SEL1L3: variants seen among roughly 807,000 people sequenced by gnomAD.
SEL1L3 encodes protein sel-1 homolog 3.
SEL1L3 carries 76 observed loss-of-function variants against 142.8 expected under a neutral mutation model. The observed-to-expected ratio is 0.53, with a 90% confidence interval of 0.44 to 0.64. The LOEUF is 0.64. SEL1L3 is among the 30% of genes least tolerant of loss of function. The probability of loss-of-function intolerance (pLI) is 0.00; values close to 1 mark genes in which losing one functional copy is unlikely to be tolerated. For synonymous variants in SEL1L3, 504 were observed against 519.6 expected (o/e 0.97, Z 0.41); for missense variants, 1,262 against 1,381.7 (o/e 0.91, Z 1.37).
chr4:25,833,588 A>G lies in SEL1L3; in HGVS notation c.861-19T>C. The G allele has an allele frequency of 6.3e-7, 1 of 1,590,432 alleles. No individual in the cohort carries two copies. On this transcript the variant is annotated intron_variant, in intron 3 of 23. Transcript: ENST00000399878. ...AGTAAACCTATAAGAGTGAGGGGGAAAAAAATTCTGCAGATTGATATCATC... is the reference window on the plus strand; with the variant it reads ...AGTAAACCTATAAGAGTGAGGGGGAGAAAAATTCTGCAGATTGATATCATC...
Position 25,809,074 on chromosome 4 carries a change from A to G in SEL1L3, c.1565-4322T>C, listed in dbSNP as rs1158459582. On this transcript the variant is annotated intron_variant, in intron 9 of 23. Coordinates refer to ENST00000399878, the MANE Select transcript of SEL1L3 (RefSeq NM_015187.5). ...GGCGACAGAGTGAGACTCTGTCTCA[A>G]AAAAAAAAAAAAAAGCCTATTTGTA... Among the ~76,000 whole-genome samples, 2 of 145,292 alleles carry G rather than the reference A, an allele frequency of 1.4e-5. 1 individual carries two copies. The highest frequency in any genetic ancestry group is 5.0e-5 in the African/African-American group (2 of 40,008).
At position 25,788,569 on chromosome 4, in the gene SEL1L3, CGTGTGTGTGTGTGTGTGTGTGT is replaced by C. The variant is rs58435041; in HGVS notation, c.2077-227_2077-206del. Among the ~76,000 whole-genome samples the C allele has an allele frequency of 1.6e-3, 220 of 140,066 alleles. No homozygotes were observed. The highest frequency in any genetic ancestry group is 2.6e-3 in the Non-Finnish European group (165 of 64,308). 91.9% of individuals were successfully genotyped at this position (140,066 alleles called of 152,430 possible). On this transcript the variant is annotated intron_variant, in intron 12 of 23. Coordinates refer to ENST00000399878, the MANE Select transcript of SEL1L3 (RefSeq NM_015187.5). This position sits in a 1 kb window ranked among gnomAD's most constrained non-coding sequence, Gnocchi z 5.3. ...CCCTTAATGCAAGCCAGAAATGGTT[CGTGTGTGTGTGTGTGTGTGTGT>C]GTGTGTGTGTGTGTGTGTGTGTGTG...
chr4:25,793,601 G>A (rs1027782734), intron 11 of SEL1L3, among the ~76,000 whole-genome samples: 3 of 151,944 alleles, frequency 2.0e-5, no homozygotes, highest in East Asian at 1.9e-4. Context: ...CAGCAGGGTG[G>A]GACCATTAAG....
intron 21 of SEL1L3, among the ~76,000 whole-genome samples, chr4:25,758,278 C>T (rs1374332936): frequency 1.3e-5 from 2 of 152,098 alleles, no homozygotes; most frequent in Admixed American, 6.6e-5. Context: ...CGAGACCAGC[C>T]TAGCCATCAT....
chr4:25,820,257 T>C (rs1297129474), intron 7 of SEL1L3, among the ~76,000 whole-genome samples: 1 of 152,132 alleles, frequency 6.6e-6, no homozygotes, highest in Admixed American at 6.5e-5. Context: ...CACCTCCCCC[T>C]TCAATTCCCA....
At chr4:25,787,609 C>G (rs1047600638) in intron 13 of SEL1L3, among the ~76,000 whole-genome samples, 1 of 152,198 alleles carries the variant, frequency 6.6e-6, no homozygotes, top group Non-Finnish European at 1.5e-5. Context: ...TGTGAGCCAC[C>G]GCGCCAGGCC....
chr4:25,716,155 CCA>C, the SEL1L3 span, among the ~76,000 whole-genome samples: 28 of 151,626 alleles, frequency 1.8e-4, no homozygotes, highest in African/African-American at 6.8e-4. Context: ...AGATTCGTAT[CCA>C]GAGTTCCAAA....
chr4:25,857,035 C>T (rs1300037790), intron 1 of SEL1L3, among the ~76,000 whole-genome samples: 1 of 152,206 alleles, frequency 6.6e-6, no homozygotes. Flanking sequence ...CTGCCCCATT[C>T]TTCTAAGAAA....
At chr4:25,751,305 T>C (rs1717572844) in intron 23 of SEL1L3, among the ~76,000 whole-genome samples, 1 of 152,208 alleles carries the variant, frequency 6.6e-6, no homozygotes, top group Non-Finnish European at 1.5e-5. Context: ...CCTTGGGTTG[T>C]ACCCACAGTA....
Position 25,747,851 on chromosome 4 carries a change from T to C in SEL1L3, c.*574A>G, listed in dbSNP as rs948069071. ...CCCTAGAAAAATTCAAGGAGAAAAA[T>C]GTAAACCAATTTACAAAGCTATTGC... is the stretch of plus-strand genomic sequence containing the variant. On this transcript the variant is annotated 3_prime_UTR_variant, in exon 24 of 24. Transcript: ENST00000399878. The C allele has an allele frequency of 6.6e-6, 1 of 152,634 alleles. No homozygotes were observed. Among genetic ancestry groups the C allele is most frequent in the Non-Finnish European group, 1.5e-5 (1 of 68,106 alleles). 9.5% of individuals were successfully genotyped at this position (152,634 alleles called of 1,614,324 possible).
chr4:25,779,217 TG>T lies in SEL1L3; in HGVS notation c.2458-15del. On this transcript the variant is annotated splice_polypyrimidine_tract_variant and intron_variant, in intron 15 of 23. Coordinates refer to ENST00000399878, the MANE Select transcript of SEL1L3 (RefSeq NM_015187.5). ...ACCAGCTAAAGTCTGTAACAAGAGATGAACAAACATCGAGTCATCCTAGCTG... is the reference window on the plus strand; with the variant it reads ...ACCAGCTAAAGTCTGTAACAAGAGATAACAAACATCGAGTCATCCTAGCTG... 6.2e-7 allele frequency: 1 copy of T among 1,611,702 alleles called. No homozygotes were observed. Among genetic ancestry groups the T allele is most frequent in the Non-Finnish European group, 8.5e-7 (1 of 1,178,636 alleles).
chr4:25,746,667 C>A (rs1490533136), downstream of SEL1L3, among the ~76,000 whole-genome samples: 2 of 150,500 alleles, frequency 1.3e-5, no homozygotes, highest in Middle Eastern at 3.2e-3. Flanking sequence ...CTCTCTTGCT[C>A]CTGCTCTAGC....
At chr4:25,729,812 C>T in the SEL1L3 span, among the ~76,000 whole-genome samples, 2 of 152,204 alleles carry the variant, frequency 1.3e-5, no homozygotes, top group East Asian at 1.9e-4. Flanking sequence ...CAGTATCAAT[C>T]GGAGGCTCCA....
At chr4:25,739,668 C>T in the SEL1L3 span, among the ~76,000 whole-genome samples, 1 of 151,454 alleles carries the variant, frequency 6.6e-6, no homozygotes, top group African/African-American at 2.4e-5. Context: ...GATCGCACCA[C>T]TGCACTCCAG....
chr4:25,806,935 T>A (rs1394376682), intron 9 of SEL1L3, among the ~76,000 whole-genome samples: 2 of 152,156 alleles, frequency 1.3e-5, no homozygotes, highest in African/African-American at 4.8e-5. Context: ...CTTTCTTTAA[T>A]AACGAAGATT....
Position 25,847,299 on chromosome 4 carries a change from T to C in SEL1L3, c.728A>G (p.Glu243Gly). 1 of 1,609,022 alleles carries C rather than the reference T, an allele frequency of 6.2e-7. No homozygotes were observed. Among genetic ancestry groups the C allele is most frequent in the Non-Finnish European group, 8.5e-7 (1 of 1,177,294 alleles). Residue 243 changes from glutamate (E) to glycine (G), a missense_variant, in exon 2 of 24, where the codon GAA becomes GGA. By Grantham distance (98) the Glu-to-Gly change is moderately conservative. Around this residue, in one of 3 missense-constraint regions of SEL1L3, gnomAD observed 689 missense variants for 692.8 expected, o/e 0.99. Coordinates refer to ENST00000399878, the MANE Select transcript of SEL1L3 (RefSeq NM_015187.5). ...TAGCAAGATAGATGACCTACCATTT[T>C]CCAGAGGACACTGTGGAATCCTGTT... is the stretch of plus-strand genomic sequence containing the variant. The part of the protein sequence containing the change: ...RANRIPQCPL[E>G]NDVVALLGFP...
intron 2 of SEL1L3, among the ~76,000 whole-genome samples, chr4:25,838,753 C>T (rs1004073044): frequency 6.6e-6 from 1 of 152,090 alleles, no homozygotes; most frequent in African/African-American, 2.4e-5. Context: ...TTCACCGAGG[C>T]CCCCACCCCT....
chr4:25,744,826 G>A (rs1009883445), downstream of SEL1L3, among the ~76,000 whole-genome samples: 1 of 152,220 alleles, frequency 6.6e-6, no homozygotes, highest in Non-Finnish European at 1.5e-5. Flanking sequence ...CCAACCATGT[G>A]AAGACACCGA....
At chr4:25,735,644 C>T in the SEL1L3 span, among the ~76,000 whole-genome samples, 1 of 151,498 alleles carries the variant, frequency 6.6e-6, no homozygotes, top group African/African-American at 2.4e-5. Context: ...TTCTTATAAA[C>T]ATTTAACGTT....
Sources: gnomAD v4.1 joint callset for allele counts (sites outside exome capture counted in the v4.1 genomes callset) on GRCh38, gnomAD v4.1.1 for gene constraint, gnomAD v4.1.1 regional missense constraint, Gnocchi (gnomAD v3.1) non-coding constraint, MANE v1.5 for transcripts, NCBI Gene and HGNC (gene_info 2026-07-23, HGNC 2026-07-21) for gene names.